ZDHHC23: variants seen among roughly 807,000 people sequenced by gnomAD.
The protein encoded by ZDHHC23 is zDHHC palmitoyltransferase 23, also known as palmitoyltransferase ZDHHC23.
A neutral mutation model predicts 40.2 loss-of-function variants in ZDHHC23; 41 were observed. The ratio of observed to expected loss-of-function variants is 1.02; its 90% confidence interval spans 0.79 to 1.32. ZDHHC23 has a LOEUF of 1.32. Among genes scored for constraint, ZDHHC23 ranks in the 40% most tolerant of loss-of-function variants. ZDHHC23 has a pLI of 0.00. For synonymous variants in ZDHHC23, 204 were observed against 210.2 expected (o/e 0.97, Z 0.26); for missense variants, 471 against 541.5 (o/e 0.87, Z 1.29).
At chr3:113,954,692 A>C (rs1939003906) in intron 3 of ZDHHC23, among the ~76,000 whole-genome samples, 1 of 151,978 alleles carries the variant, frequency 6.6e-6, no homozygotes, top group South Asian at 2.1e-4. Context: ...TTTCCTTTCT[A>C]ATAGAGAAAT....
downstream of ZDHHC23, among the ~76,000 whole-genome samples, chr3:113,966,585 C>A (rs779054028): frequency 6.6e-6 from 1 of 152,062 alleles, no homozygotes; most frequent in Non-Finnish European, 1.5e-5. Flanking sequence ...GGCAACGAAG[C>A]GAGAATAGCA....
Position 113,955,393 on chromosome 3 carries a change from CGTGTGT to C in ZDHHC23, c.873-943_873-938del, listed in dbSNP as rs991992209. Among the ~76,000 whole-genome samples the C allele has an allele frequency of 2.4e-5, 3 of 124,698 alleles. No individual in the cohort carries two copies. In the South Asian group the frequency reaches 7.3e-4, roughly 30 times the overall value. The allele number at this position is 124,698 out of a possible 152,430, so 81.8% of individuals were successfully genotyped here. On this transcript the variant is annotated intron_variant, in intron 3 of 4. Transcript: ENST00000638807. ...GTGTGTGTGTGTGTGTGTGTGTGTG[CGTGTGT>C]GTTCCATTTACAAATGCTGGTTTGC...
intron 3 of ZDHHC23, among the ~76,000 whole-genome samples, chr3:113,955,824 T>C (rs1352096069): frequency 6.6e-6 from 1 of 152,248 alleles, no homozygotes; most frequent in Non-Finnish European, 1.5e-5. Context: ...AAACTGACGA[T>C]ATGATTCCAC....
At position 113,960,922 on chromosome 3, in the gene ZDHHC23, A is replaced by T; in HGVS notation, c.*2292A>T. The T allele has an allele frequency of 1.2e-6, 1 of 803,618 alleles. No homozygotes were observed. Among genetic ancestry groups the T allele is most frequent in the Non-Finnish European group, 1.8e-6 (1 of 550,546 alleles). The allele number at this position is 803,618 out of a possible 1,614,324, so 49.8% of individuals were successfully genotyped here. ...CCCAGGCGTCTGTACCGAAAGGAGC[A>T]GCAAACAAGGGGCTAATCCATGAGC... On this transcript the variant is annotated 3_prime_UTR_variant, in exon 5 of 5. Coordinates refer to ENST00000638807, the MANE Select transcript of ZDHHC23 (RefSeq NM_001320466.2).
chr3:113,962,834 A>G lies in ZDHHC23; in HGVS notation c.*4204A>G, dbSNP rs1939786081. ...GGGCTGCACATTTTGCACTGTTTTT[A>G]TATACTTGTATTCATATCCTCTTAT... On this transcript the variant is annotated 3_prime_UTR_variant, in exon 5 of 5. Transcript: ENST00000638807. 6.6e-6 allele frequency: 1 copy of G among 152,258 alleles called. No homozygotes were observed. Among genetic ancestry groups the G allele is most frequent in the Admixed American group, 6.5e-5 (1 of 15,294 alleles). 9.4% of individuals were successfully genotyped at this position (152,258 alleles called of 1,614,324 possible).
chr3:113,954,490 TC>T (rs1259690286), intron 3 of ZDHHC23, 80 bp downstream of exon 3: 1 of 1,328,378 alleles, frequency 7.5e-7, no homozygotes, highest in Non-Finnish European at 1.0e-6. Flanking sequence ...CCTTGTGCTA[TC>T]CCAAAATTTC....
intron 2 of ZDHHC23, among the ~76,000 whole-genome samples, chr3:113,949,615 A>T (rs1938472850): frequency 6.6e-6 from 1 of 152,276 alleles, no homozygotes; most frequent in African/African-American, 2.4e-5. Flanking sequence ...TCGGACAGTG[A>T]ATAATCTGGT....
the ZDHHC23 span, among the ~76,000 whole-genome samples, chr3:113,974,831 T>C: frequency 6.6e-6 from 1 of 152,192 alleles, no homozygotes; most frequent in Admixed American, 6.5e-5. Flanking sequence ...CCCTGGTTCA[T>C]CTTGGCTCTA....
chr3:113,959,232 A>G lies in ZDHHC23; in HGVS notation c.*602A>G, dbSNP rs1264131124. The G allele has an allele frequency of 4.7e-6, 5 of 1,067,758 alleles. No individual in the cohort carries two copies. In the African/African-American group the frequency reaches 8.2e-5, roughly 17 times the overall value. 66.1% of individuals were successfully genotyped at this position (1,067,758 alleles called of 1,614,324 possible). A position where few individuals can be genotyped will look rare whatever the true frequency, so the allele number is the denominator to read the frequency against. The stretch of plus-strand genomic sequence containing the variant: ...ATATTGAAGCCAATATTATTAGGGT[A>G]ATCAGTTTTCAGCATATACCTTGTT... On this transcript the variant is annotated 3_prime_UTR_variant, in exon 5 of 5. Transcript: ENST00000638807.
intron 4 of ZDHHC23, chr3:113,957,885 C>T (rs551743931): frequency 3.2e-5 from 16 of 505,184 alleles, no homozygotes; most frequent in South Asian, 2.1e-4. Flanking sequence ...GGGAGTCGTC[C>T]ATCGTCTTTT....
chr3:113,968,726 T>C (rs1577301553), downstream of ZDHHC23, among the ~76,000 whole-genome samples: 1 of 151,914 alleles, frequency 6.6e-6, no homozygotes, highest in Non-Finnish European at 1.5e-5. Context: ...TCCCAAAGTG[T>C]TGGGATTATA....
intron 2 of ZDHHC23, among the ~76,000 whole-genome samples, chr3:113,950,375 C>T (rs546147670): frequency 1.2e-4 from 18 of 152,148 alleles, no homozygotes; most frequent in Non-Finnish European, 2.1e-4. Flanking sequence ...GATCAAGGCA[C>T]TGGCAGATTC....
rs969054091 is a variant in ZDHHC23 at position 113,954,242 on chromosome 3, A to G, written c.704A>G (p.Asn235Ser). 7 of 1,614,056 alleles carry G rather than the reference A, an allele frequency of 4.3e-6. No homozygotes were observed. The highest frequency in any genetic ancestry group is 4.0e-5 in the African/African-American group (3 of 74,932). Residue 235 changes from asparagine (N) to serine (S), a missense_variant, in exon 3 of 5, where the codon AAT (asparagine) becomes AGT (serine). Physicochemically the swap from Asn to Ser is conservative, Grantham distance 46. Transcript: ENST00000638807. ...GCAGACATGTCGGGCAGTCTCAACAATCGCACAACAAAGGATGACCCCAAG... is the reference window on the plus strand; with the variant it reads ...GCAGACATGTCGGGCAGTCTCAACAGTCGCACAACAAAGGATGACCCCAAG... Reference protein sequence around the residue: ...PGADMSGSLNNRTTKDDPKGS... With the variant: ...PGADMSGSLNSRTTKDDPKGS...
chr3:113,978,519 A>C, the ZDHHC23 span: 1 of 635,324 alleles, frequency 1.6e-6, no homozygotes. Flanking sequence ...TGGTAAGAGA[A>C]CACATGAATA....
the ZDHHC23 span, among the ~76,000 whole-genome samples, chr3:113,972,739 A>C: frequency 1.3e-5 from 2 of 152,124 alleles, no homozygotes; most frequent in Non-Finnish European, 2.9e-5. Flanking sequence ...TGGGTGCTTG[A>C]TGTTGAGTGC....
chr3:113,948,821 A>G lies in ZDHHC23; in HGVS notation c.19A>G (p.Met7Val). The change falls in exon 2 of 5, where the codon ATG becomes GTG. Residue 7 changes from methionine to valine, a missense_variant. Met to Val is a conservative substitution (Grantham distance 21). This residue lies in a region of ZDHHC23 where 83 missense variants were observed against 67.8 expected (regional missense o/e 1.22). Coordinates refer to ENST00000638807, the MANE Select transcript of ZDHHC23 (RefSeq NM_001320466.2). Reference sequence around the variant, plus strand: ...GCAAATCATGACACAGAAGGGCAGTATGAAGCCTGTGAAGAAAAAGAAAAC... The same window carrying G: ...GCAAATCATGACACAGAAGGGCAGTGTGAAGCCTGTGAAGAAAAAGAAAAC... Reference protein sequence around the residue: MTQKGSMKPVKKKKTEE... With the variant: MTQKGSVKPVKKKKTEE... 1 of 1,614,182 alleles carries G rather than the reference A, an allele frequency of 6.2e-7. No homozygotes were observed. The highest frequency in any genetic ancestry group is 8.5e-7 in the Non-Finnish European group (1 of 1,180,038).
the ZDHHC23 span, among the ~76,000 whole-genome samples, chr3:113,975,628 G>T: frequency 3.9e-5 from 6 of 152,308 alleles, no homozygotes; most frequent in African/African-American, 1.4e-4. Context: ...AGAGTCTTAA[G>T]TGCTGTGAAG....
At chr3:113,972,811 CCTTT>C in the ZDHHC23 span, among the ~76,000 whole-genome samples, 3 of 152,024 alleles carry the variant, frequency 2.0e-5, no homozygotes, top group South Asian at 2.1e-4. Flanking sequence ...TATATAATGA[CCTTT>C]CTTTATTTCT....
At position 113,960,051 on chromosome 3, in the gene ZDHHC23, C is replaced by A; in HGVS notation, c.*1421C>A. ...CTGTTGTGCAATCCCAAAGATAATT[C>A]ATGACTCCTTAAATTTGCCTTGGCT... On this transcript the variant is annotated 3_prime_UTR_variant, in exon 5 of 5. Transcript: ENST00000638807. 1.2e-5 allele frequency: 12 copies of A among 989,222 alleles called. No homozygotes were observed. The highest frequency in any genetic ancestry group is 1.4e-5 in the Non-Finnish European group (12 of 832,082). The allele number at this position is 989,222 out of a possible 1,614,324, so 61.3% of individuals were successfully genotyped here.
Sources: allele counts gnomAD v4.1 joint callset (sites outside exome capture counted in the v4.1 genomes callset), GRCh38; gene constraint gnomAD v4.1.1; regional missense constraint gnomAD v4.1.1; transcripts MANE v1.5; gene names NCBI Gene and HGNC (gene_info 2026-07-23, HGNC 2026-07-21).